Variants in CTNNA1 observed in about 807,000 individuals in gnomAD.
CTNNA1 encodes catenin alpha 1, also known as catenin alpha-1.
A neutral mutation model predicts 98.4 loss-of-function variants in CTNNA1; 37 were observed. The observed-to-expected ratio is 0.38, with a 90% CI of 0.29 to 0.49. CTNNA1 has a LOEUF of 0.49. Among genes scored for constraint, CTNNA1 ranks in the 20% least tolerant of loss-of-function variants. The probability of loss-of-function intolerance (pLI) is 0.95; values close to 1 mark genes in which losing one functional copy is unlikely to be tolerated. For synonymous variants in CTNNA1, 404 were observed against 413.2 expected (o/e 0.98, Z 0.27); for missense variants, 761 against 1,147.2 (o/e 0.66, Z 4.86).
chr5:138,911,042 C>G (rs1324691070), intron 10 of CTNNA1, among the ~76,000 whole-genome samples: 1 of 152,164 alleles, frequency 6.6e-6, no homozygotes, highest in Non-Finnish European at 1.5e-5. Flanking sequence ...AATTCTAGAA[C>G]AGCCTGAGCA....
At chr5:138,909,390 ACT>A (rs1260795376) in intron 10 of CTNNA1, among the ~76,000 whole-genome samples, 1 of 137,152 alleles carries the variant, frequency 7.3e-6, no homozygotes, top group Admixed American at 7.8e-5. Context: ...ACAGGTTTTC[ACT>A]CTGTTACCCA....
intron 9 of CTNNA1, among the ~76,000 whole-genome samples, 196 bp from the exon 10 acceptor site, chr5:138,904,153 A>T (rs1161376735): frequency 1.3e-5 from 2 of 152,216 alleles, no homozygotes; most frequent in Admixed American, 1.3e-4. Context: ...GATGTATGTT[A>T]TGAGTCTGTA....
intron 7 of CTNNA1, chr5:138,875,817 A>G (rs972906951): frequency 1.3e-6 from 1 of 767,386 alleles, no homozygotes; most frequent in African/African-American, 1.9e-5. Flanking sequence ...AAGTATGACT[A>G]TGATTTGCTT....
chr5:138,928,312 T>C (rs919192608), intron 13 of CTNNA1, among the ~76,000 whole-genome samples: 1 of 152,202 alleles, frequency 6.6e-6, no homozygotes, highest in African/African-American at 2.4e-5. Context: ...TTTTATTTCA[T>C]AATTAAAGCA....
rs796159363 is a variant in CTNNA1, at chr5:138,879,464, G to GT, written c.1063-6740dup. Among the ~76,000 whole-genome samples, 333 of 151,144 alleles carry GT rather than the reference G, an allele frequency of 2.2e-3. 3 individuals are homozygous for GT. The highest frequency in any genetic ancestry group is 7.1e-3 in the African/African-American group (294 of 41,148). On this transcript the variant is annotated intron_variant, in intron 7 of 17. Coordinates refer to ENST00000302763, the MANE Select transcript of CTNNA1 (RefSeq NM_001903.5). ...TCTGTTGATTTTATTTTGTTGTTGTGTTTTTTTTGTTTTTTTTTAAAAAGA... is the reference window on the plus strand; with the variant it reads ...TCTGTTGATTTTATTTTGTTGTTGTGTTTTTTTTTGTTTTTTTTTAAAAAGA...
chr5:138,924,760 A>C, intron 12 of CTNNA1, 50 bp downstream of exon 12: 1 of 1,489,470 alleles, frequency 6.7e-7, no homozygotes, highest in Non-Finnish European at 9.2e-7. Flanking sequence ...AGCCTCAGTG[A>C]GGCAGGCCAC....
rs1750835677 is a variant in CTNNA1 at position 138,873,069 on chromosome 5, T to C, written c.1063-13143T>C. ...CACTTGCACTGTCCATAACCATTAA[T>C]GATGATGAAGGGTCCTTCATGGGTG... On this transcript the variant is annotated intron_variant, in intron 7 of 17. Coordinates refer to ENST00000302763, the MANE Select transcript of CTNNA1 (RefSeq NM_001903.5). This position sits in a 1 kb window ranked among gnomAD's most constrained non-coding sequence, Gnocchi z 6.1. The C allele has an allele frequency of 1.2e-6, 2 of 1,613,918 alleles. No homozygotes were observed. The highest frequency in any genetic ancestry group is 4.5e-5 in the East Asian group (2 of 44,884).
In CTNNA1 at chr5:138,783,308, T is replaced by G; in HGVS notation, c.237T>G (p.Ile79Met). The G allele has an allele frequency of 6.2e-7, 1 of 1,614,074 alleles. No individual in the cohort carries two copies. Residue 79 changes from isoleucine to methionine, a missense_variant, in exon 3 of 18, where the codon ATT becomes ATG. This residue lies in a region of CTNNA1 where 328 missense variants were observed against 354.3 expected (regional missense o/e 0.93). Coordinates refer to ENST00000302763, the MANE Select transcript of CTNNA1 (RefSeq NM_001903.5). ...ATTTCTTGGAGAAGGGGGATAAAAT[T>G]GCGAAGGAGAGCCAGTTTCTCAAGG... ...TENFLEKGDKIAKESQFLKEE... is the reference protein window; with the variant it reads ...TENFLEKGDKMAKESQFLKEE...
intron 17 of CTNNA1, 79 bp downstream of exon 17, chr5:138,932,791 C>A (rs2150350696): frequency 6.5e-7 from 1 of 1,534,154 alleles, no homozygotes; most frequent in Non-Finnish European, 9.0e-7. Flanking sequence ...CTCCTATCCG[C>A]ATAAACACCT....
chr5:138,903,290 G>A (rs542450439), intron 9 of CTNNA1, among the ~76,000 whole-genome samples: 2 of 152,270 alleles, frequency 1.3e-5, no homozygotes, highest in Non-Finnish European at 2.9e-5. Flanking sequence ...TTTTTCTGAT[G>A]TGTTTATGTG....
chr5:138,866,579 C>G (rs1314546511), intron 7 of CTNNA1, among the ~76,000 whole-genome samples: 1 of 152,124 alleles, frequency 6.6e-6, no homozygotes, highest in East Asian at 1.9e-4. Context: ...GATGCTTCTT[C>G]ATGCTGGATT....
At chr5:138,764,040 C>G (rs1752639448) in intron 1 of CTNNA1, among the ~76,000 whole-genome samples, 1 of 152,112 alleles carries the variant, frequency 6.6e-6, no homozygotes, top group Admixed American at 6.5e-5. Context: ...CAAAAAATTG[C>G]AGGGCGCGGT....
intron 7 of CTNNA1, among the ~76,000 whole-genome samples, chr5:138,861,058 C>T (rs1392520370): frequency 2.6e-5 from 4 of 152,010 alleles, no homozygotes; most frequent in African/African-American, 4.8e-5. Flanking sequence ...CTCACTGTGT[C>T]GCCCAGGCTG....
intron 1 of CTNNA1, among the ~76,000 whole-genome samples, chr5:138,779,723 G>T (rs7726831): frequency 0.29 from 7,092 of 24,240 alleles, 508 homozygotes; most frequent in East Asian, 0.5. Flanking sequence ...TTTTGTTTTT[G>T]TTTTTTTTTT....
chr5:138,759,980 C>CTTCTTTTTTTTTT (rs1752136893), intron 1 of CTNNA1, among the ~76,000 whole-genome samples: 4 of 61,232 alleles, frequency 6.5e-5, no homozygotes, highest in African/African-American at 3.1e-4. Flanking sequence ...AATTTCTTTC[C>CTTCTTTTTTTTTT]TTTTTTTTTT....
At chr5:138,910,963 G>T (rs978664478) in intron 10 of CTNNA1, among the ~76,000 whole-genome samples, 1 of 152,224 alleles carries the variant, frequency 6.6e-6, no homozygotes, top group Non-Finnish European at 1.5e-5. Flanking sequence ...TCTCGGCCAT[G>T]CGCAGTGCCT....
intron 16 of CTNNA1, chr5:138,931,835 C>G (rs1170563516): frequency 1.0e-6 from 1 of 985,188 alleles, no homozygotes; most frequent in African/African-American, 1.7e-5. Flanking sequence ...TCATACCACT[C>G]TCTGTGGTGT....
intron 3 of CTNNA1, among the ~76,000 whole-genome samples, chr5:138,808,987 T>A (rs72788842): frequency 0.019 from 2,906 of 152,282 alleles, 46 homozygotes; most frequent in Middle Eastern, 0.051. Context: ...AAATTATTTT[T>A]AAAAATTTTT....
At chr5:138,797,632 T>C (rs1205131903) in intron 3 of CTNNA1, among the ~76,000 whole-genome samples, 1 of 152,132 alleles carries the variant, frequency 6.6e-6, no homozygotes, top group Non-Finnish European at 1.5e-5. Flanking sequence ...GAAGGAGATA[T>C]AACTTTGCCC....
Sources: allele counts gnomAD v4.1 joint callset (sites outside exome capture counted in the v4.1 genomes callset), GRCh38; gene constraint gnomAD v4.1.1; regional missense constraint gnomAD v4.1.1; non-coding constraint Gnocchi (gnomAD v3.1); transcripts MANE v1.5; gene names NCBI Gene and HGNC (gene_info 2026-07-23, HGNC 2026-07-21).